LRMDA: variants seen among roughly 807,000 people sequenced by gnomAD.
The protein encoded by LRMDA is leucine-rich melanocyte differentiation-associated protein.
A neutral mutation model predicts 29.8 loss-of-function variants in LRMDA; 18 were observed. The ratio of observed to expected loss-of-function variants is 0.60; its 90% confidence interval spans 0.42 to 0.90. The LOEUF (loss-of-function observed/expected upper bound fraction) is 0.90. Among genes scored for constraint, LRMDA ranks in the 40% least tolerant of loss-of-function variants. LRMDA has a pLI of 0.00. For synonymous variants in LRMDA, 125 were observed against 109.4 expected, an observed-to-expected ratio of 1.14 and a Z score of -0.89; for missense variants, 273 against 273.9, an observed-to-expected ratio of 1.00 and a Z score of 0.02.
At chr10:75,871,055 C>T (rs1016081200) in intron 2 of LRMDA, among the ~76,000 whole-genome samples, 10 of 152,314 alleles carry the variant, frequency 6.6e-5, no homozygotes, top group Non-Finnish European at 1.3e-4. Flanking sequence ...CTCCCTAGTC[C>T]GACCACTCCT....
intron 6 of LRMDA, among the ~76,000 whole-genome samples, chr10:76,327,718 G>A (rs777027026): frequency 9.8e-5 from 15 of 152,294 alleles, no homozygotes; most frequent in Admixed American, 3.9e-4. Context: ...TTGATTGCAT[G>A]TGAGAAAGGA....
chr10:75,632,847 C>T (rs1157322585), intron 2 of LRMDA, among the ~76,000 whole-genome samples: 1 of 135,162 alleles, frequency 7.4e-6, no homozygotes, highest in Non-Finnish European at 1.5e-5. Context: ...AGCCAGGCAG[C>T]CACGTCTGCC....
At chr10:76,342,129 G>T (rs1415166819) in intron 6 of LRMDA, among the ~76,000 whole-genome samples, 1 of 152,106 alleles carries the variant, frequency 6.6e-6, no homozygotes, top group Non-Finnish European at 1.5e-5. Context: ...GTAGATAGAG[G>T]TAGTACAATA....
chr10:75,870,434 A>G (rs958622259), intron 2 of LRMDA, among the ~76,000 whole-genome samples: 6 of 152,230 alleles, frequency 3.9e-5, no homozygotes, highest in Non-Finnish European at 8.8e-5. Context: ...CAGGAATCAC[A>G]TTCTGTGATT....
chr10:76,447,969 T>G (rs1246254856), intron 6 of LRMDA, among the ~76,000 whole-genome samples: 1 of 152,212 alleles, frequency 6.6e-6, no homozygotes, highest in Non-Finnish European at 1.5e-5. Flanking sequence ...AATTGCTTTT[T>G]GTGGTGTAGC....
At chr10:75,542,277 A>C (rs1229752295) in intron 2 of LRMDA, among the ~76,000 whole-genome samples, 4 of 151,678 alleles carry the variant, frequency 2.6e-5, no homozygotes. Context: ...TAAGCCTGAA[A>C]CTTTTTTTTT....
At chr10:75,994,704 G>A (rs1847429848) in intron 2 of LRMDA, among the ~76,000 whole-genome samples, 1 of 152,180 alleles carries the variant, frequency 6.6e-6, no homozygotes, top group Non-Finnish European at 1.5e-5. Flanking sequence ...ATCTCCTGAA[G>A]TCACCGTGTT....
intron 2 of LRMDA, among the ~76,000 whole-genome samples, chr10:75,649,755 C>T (rs190570485): frequency 2.4e-4 from 37 of 152,290 alleles, no homozygotes; most frequent in East Asian, 7.7e-4. Flanking sequence ...CACAACTTTC[C>T]GATTTCTCTA....
At chr10:75,659,212 G>A (rs371647123) in intron 2 of LRMDA, among the ~76,000 whole-genome samples, 3 of 152,206 alleles carry the variant, frequency 2.0e-5, no homozygotes, top group Non-Finnish European at 2.9e-5. Flanking sequence ...TTCAAGAACC[G>A]AAATTCAGGA....
At chr10:75,447,635 G>A (rs375929032) in intron 2 of LRMDA, among the ~76,000 whole-genome samples, 8 of 152,154 alleles carry the variant, frequency 5.3e-5, no homozygotes, top group East Asian at 1.9e-4. Context: ...TAGCTTGGGC[G>A]TGGTGGCTCA....
chr10:76,195,641 A>G (rs1354505200), intron 5 of LRMDA, among the ~76,000 whole-genome samples: 9 of 152,194 alleles, frequency 5.9e-5, no homozygotes, highest in Non-Finnish European at 1.5e-5. Flanking sequence ...TAAGTTTGTC[A>G]TTCTTTTCTT....
At chr10:75,845,706 C>G (rs909621007) in intron 2 of LRMDA, among the ~76,000 whole-genome samples, 2 of 152,158 alleles carry the variant, frequency 1.3e-5, no homozygotes, top group East Asian at 1.9e-4. Context: ...ATGGCTCCCC[C>G]CTGGCACATC....
chr10:76,142,379 T>A (rs1203591943), intron 5 of LRMDA, among the ~76,000 whole-genome samples: 1 of 152,166 alleles, frequency 6.6e-6, no homozygotes, highest in East Asian at 1.9e-4. Flanking sequence ...TTCAGTGTAA[T>A]CATTATCTTG....
intron 5 of LRMDA, among the ~76,000 whole-genome samples, chr10:76,306,787 C>T (rs546383282): frequency 6.6e-6 from 1 of 152,298 alleles, no homozygotes; most frequent in East Asian, 1.9e-4. Context: ...CCTCGTGCTA[C>T]TCTTTTGTAC....
intron 5 of LRMDA, among the ~76,000 whole-genome samples, chr10:76,210,126 G>A (rs1429863131): frequency 2.0e-5 from 3 of 152,176 alleles, no homozygotes; most frequent in Non-Finnish European, 4.4e-5. Context: ...TTGGGTGACA[G>A]CTGAAATGCA....
chr10:76,370,983 A>G (rs749470964), intron 6 of LRMDA, among the ~76,000 whole-genome samples: 22 of 152,186 alleles, frequency 1.4e-4, no homozygotes, highest in Non-Finnish European at 2.6e-4. Flanking sequence ...GGAGTTTCAA[A>G]TGTGATAAAA....
intron 2 of LRMDA, among the ~76,000 whole-genome samples, chr10:75,807,389 G>C (rs1028446351): frequency 8.5e-5 from 13 of 152,208 alleles, no homozygotes; most frequent in African/African-American, 3.1e-4. Flanking sequence ...GGGCAGGATG[G>C]CTCACATCGC....
chr10:75,967,171 T>C (rs1212178982), intron 2 of LRMDA, among the ~76,000 whole-genome samples: 4 of 152,248 alleles, frequency 2.6e-5, no homozygotes, highest in Non-Finnish European at 5.9e-5. Context: ...GTCCCTCCTT[T>C]GTGGCACTTC....
intron 2 of LRMDA, among the ~76,000 whole-genome samples, chr10:75,597,253 G>A (rs1250284087): frequency 6.6e-6 from 1 of 152,170 alleles, no homozygotes; most frequent in East Asian, 1.9e-4. Context: ...TCTGATGAAC[G>A]AATACCTTGA....
Sources: allele counts gnomAD v4.1 joint callset (sites outside exome capture counted in the v4.1 genomes callset), GRCh38; gene constraint gnomAD v4.1.1; transcripts MANE v1.5; gene names NCBI Gene and HGNC (gene_info 2026-07-23, HGNC 2026-07-21).